The following GALM variants were observed in gnomAD, a reference collection of about 807,000 sequenced individuals.
GALM encodes the protein galactose mutarotase, also known as aldose 1-epimerase.
GALM carries 43 observed loss-of-function variants against 37.4 expected under a neutral mutation model. That is an observed-to-expected ratio of 1.15 (90% CI 0.90 to 1.48). The LOEUF (loss-of-function observed/expected upper bound fraction) is 1.48, where lower values mean the gene tolerates loss of function less well. Ranked by LOEUF, GALM falls within the 40% of genes most tolerant of loss-of-function variation. The pLI, the probability that GALM is intolerant of heterozygous loss-of-function variation, is 0.00. For synonymous variants in GALM, 199 were observed against 170.6 expected (o/e 1.17, Z -1.30); for missense variants, 456 against 419.1 (o/e 1.09, Z -0.77).
chr2:38,675,543 T>TGTGTGTGTG (rs1275396679), intron 1 of GALM, among the ~76,000 whole-genome samples: 1 of 33,658 alleles, frequency 3.0e-5, no homozygotes, highest in Non-Finnish European at 5.8e-5. Flanking sequence ...TTTTTTTTTT[T>TGTGTGTGTG]TGTGTGTGTG....
intron 3 of GALM, among the ~76,000 whole-genome samples, chr2:38,683,498 G>A (rs1181371949): frequency 4.0e-5 from 6 of 151,890 alleles, no homozygotes; most frequent in Non-Finnish European, 5.9e-5. Context: ...GAATGCTCCA[G>A]TGACTACTTC....
chr2:38,709,150 C>T (rs896197557), intron 4 of GALM, among the ~76,000 whole-genome samples: 3 of 135,472 alleles, frequency 2.2e-5, no homozygotes, highest in Admixed American at 6.8e-5. Context: ...TTGTGGGGGA[C>T]AGGGAAGACG....
chr2:38,727,196 A>C (rs2148458218), intron 4 of GALM, among the ~76,000 whole-genome samples: 1 of 149,668 alleles, frequency 6.7e-6, no homozygotes, highest in South Asian at 2.1e-4. Context: ...AGCTTGGGCG[A>C]CAGAGTGAGA....
intron 4 of GALM, among the ~76,000 whole-genome samples, chr2:38,696,992 G>T (rs1311993795): frequency 1.3e-5 from 2 of 151,858 alleles, no homozygotes; most frequent in Non-Finnish European, 2.9e-5. Flanking sequence ...GTTTCACCAT[G>T]TTGGCCAGGA....
chr2:38,733,898 CCCTT>C lies in GALM; in HGVS notation c.*338_*341del, dbSNP rs1344952350. 2.9e-6 allele frequency: 1 copy of C among 343,374 alleles called. No homozygotes were observed. Among genetic ancestry groups the C allele is most frequent in the East Asian group, 6.9e-5 (1 of 14,512 alleles). 21.3% of individuals were successfully genotyped at this position (343,374 alleles called of 1,614,324 possible). A position where few individuals can be genotyped will look rare whatever the true frequency, so the allele number is the denominator to read the frequency against. ...CTGCCTCTTTCTTTTCAACTTTTTG[CCCTT>C]CCTTTCTTTAAAGCTATTCTCACAT... On this transcript the variant is annotated 3_prime_UTR_variant, in exon 7 of 7. Transcript: ENST00000272252.
At chr2:38,669,661 G>A (rs1665040497) in intron 1 of GALM, 1 of 152,086 alleles carries the variant, frequency 6.6e-6, no homozygotes, top group Non-Finnish European at 1.5e-5. Context: ...GGATCACAAG[G>A]TCAAGAGACA....
intron 1 of GALM, among the ~76,000 whole-genome samples, chr2:38,671,083 A>AG (rs201189512): frequency 1.1e-4 from 16 of 141,216 alleles, no homozygotes; most frequent in Non-Finnish European, 2.4e-4. Context: ...TGCCCAGGAA[A>AG]GGGGGAAGCG....
chr2:38,717,737 C>T (rs1572539230), intron 4 of GALM, among the ~76,000 whole-genome samples: 1 of 149,956 alleles, frequency 6.7e-6, no homozygotes, highest in African/African-American at 2.5e-5. Context: ...TTGAATCTTA[C>T]AGAGGCATAG....
At position 38,674,578 on chromosome 2, in the gene GALM, C is replaced by T. The variant is rs552433399; in HGVS notation, c.191-1334C>T. ...TTATTTGTTGTTTATTTGAAACTCA[C>T]ATTTAACCAAGCATTCTATATTTCC... On this transcript the variant is annotated intron_variant, in intron 1 of 6. Transcript: ENST00000272252. Among the ~76,000 whole-genome samples the T allele has an allele frequency of 2.6e-4, 40 of 152,250 alleles. No homozygotes were observed. The South Asian group carries it at 8.3e-3, about 32-fold the overall frequency.
intron 4 of GALM, among the ~76,000 whole-genome samples, chr2:38,698,100 C>T (rs1395744877): frequency 1.7e-4 from 26 of 151,954 alleles, no homozygotes; most frequent in Non-Finnish European, 1.8e-4. Context: ...CGCACCACCA[C>T]GGCCAGCTAA....
At chr2:38,713,706 C>T (rs1370858124) in intron 4 of GALM, among the ~76,000 whole-genome samples, 1 of 151,938 alleles carries the variant, frequency 6.6e-6, no homozygotes, top group Non-Finnish European at 1.5e-5. Context: ...GAGTTTGAGA[C>T]CAGTCTGAGC....
At chr2:38,699,133 C>T (rs755036122) in intron 4 of GALM, among the ~76,000 whole-genome samples, 5 of 149,348 alleles carry the variant, frequency 3.3e-5, no homozygotes, top group African/African-American at 1.2e-4. Flanking sequence ...AGGCTGGTTT[C>T]GAACTCCTAA....
Position 38,734,748 on chromosome 2 carries a change from C to T in GALM, c.*1183C>T, listed in dbSNP as rs966498346. 6.8e-6 allele frequency: 1 copy of T among 148,132 alleles called. No homozygotes were observed. Among genetic ancestry groups the T allele is most frequent in the African/African-American group, 2.5e-5 (1 of 39,774 alleles). 9.2% of individuals were successfully genotyped at this position (148,132 alleles called of 1,614,324 possible). On this transcript the variant is annotated 3_prime_UTR_variant, in exon 7 of 7. Coordinates refer to ENST00000272252, the MANE Select transcript of GALM (RefSeq NM_138801.3). ...TATGCTGTACTGAATTGAAATAAAA[C>T]CAAAATCTGCATCTTCAGAAGACTT...
intron 3 of GALM, 62 bp downstream of exon 3, chr2:38,681,548 A>G (rs758459390): frequency 2.9e-6 from 4 of 1,357,952 alleles, no homozygotes; most frequent in Non-Finnish European, 3.2e-6. Flanking sequence ...GGCTGTGGCT[A>G]GAGAGATCAG....
intron 4 of GALM, among the ~76,000 whole-genome samples, chr2:38,693,890 G>A (rs1334135717): frequency 6.6e-6 from 1 of 152,212 alleles, no homozygotes; most frequent in Non-Finnish European, 1.5e-5. Context: ...GTGGTTAGAT[G>A]TCAAGAAGGT....
At chr2:38,709,966 G>A (rs2148447962) in intron 4 of GALM, among the ~76,000 whole-genome samples, 1 of 152,282 alleles carries the variant, frequency 6.6e-6, no homozygotes, top group African/African-American at 2.4e-5. Context: ...AATTGGAGCA[G>A]CTGGGCTGGA....
chr2:38,708,784 G>C (rs1395297407), intron 4 of GALM, among the ~76,000 whole-genome samples: 1 of 151,924 alleles, frequency 6.6e-6, no homozygotes, highest in Non-Finnish European at 1.5e-5. Flanking sequence ...CAAAGAGAAG[G>C]CTCCTCTGTG....
intron 1 of GALM, among the ~76,000 whole-genome samples, chr2:38,675,247 G>T (rs1287978409): frequency 6.6e-6 from 1 of 152,158 alleles, no homozygotes. Context: ...ACTAAAAGAT[G>T]GAAGAGTGTG....
chr2:38,727,816 C>A (rs535024420), intron 4 of GALM, among the ~76,000 whole-genome samples: 9 of 152,062 alleles, frequency 5.9e-5, no homozygotes, highest in Non-Finnish European at 1.3e-4. Context: ...TAGGAACCCA[C>A]AAAAGCAGAA....
Sources: gnomAD v4.1 joint callset for allele counts (sites outside exome capture counted in the v4.1 genomes callset) on GRCh38, gnomAD v4.1.1 for gene constraint, MANE v1.5 for transcripts, NCBI Gene and HGNC (gene_info 2026-07-23, HGNC 2026-07-21) for gene names.